The following TRIM15 variants were observed in gnomAD, a reference collection of about 807,000 sequenced individuals.
The protein encoded by TRIM15 is E3 ubiquitin-protein ligase TRIM15.
A neutral mutation model predicts 35.8 loss-of-function variants in TRIM15; 35 were observed. The ratio of observed to expected loss-of-function variants is 0.98; its 90% confidence interval spans 0.75 to 1.30. The LOEUF (loss-of-function observed/expected upper bound fraction) is 1.30, where lower values mean the gene tolerates loss of function less well. Among genes scored for constraint, TRIM15 ranks in the 50% most tolerant of loss-of-function variants. The pLI, the probability that TRIM15 is intolerant of heterozygous loss-of-function variation, is 0.00. For synonymous variants in TRIM15, 252 were observed against 249.8 expected (o/e 1.01, Z -0.08); for missense variants, 590 against 593.5 (o/e 0.99, Z 0.06).
At chr6:30,166,683 A>G (rs895625443) in intron 1 of TRIM15, among the ~76,000 whole-genome samples, 2 of 152,198 alleles carry the variant, frequency 1.3e-5, no homozygotes, top group Admixed American at 6.5e-5. Flanking sequence ...GAATCTATAA[A>G]TTACTTTGGG....
Position 30,172,644 on chromosome 6 carries a change from G to A in TRIM15, c.*295G>A, listed in dbSNP as rs1774131126. 4 of 616,646 alleles carry A rather than the reference G, an allele frequency of 6.5e-6. No individual in the cohort carries two copies. The highest frequency in any genetic ancestry group is 8.8e-6 in the Non-Finnish European group (3 of 341,080). 38.2% of individuals were successfully genotyped at this position (616,646 alleles called of 1,614,324 possible). ...ACCTAGGAGCCAGCGGGCTTTCGGG[G>A]AAAAAAAAGAAAAAGACATCTAAAA... On this transcript the variant is annotated 3_prime_UTR_variant, in exon 7 of 7. Coordinates refer to ENST00000376694, the MANE Select transcript of TRIM15 (RefSeq NM_033229.3).
At chr6:30,169,105 A>G (rs1041292164) in intron 3 of TRIM15, 136 bp from the exon 4 acceptor site, 6 of 972,078 alleles carry the variant, frequency 6.2e-6, no homozygotes, top group Middle Eastern at 2.1e-4. Flanking sequence ...CAATCTAATG[A>G]GTAGGTAATT....
At chr6:30,169,134 CAGA>C in intron 3 of TRIM15, 104 bp from the exon 4 acceptor site, 1 of 1,291,856 alleles carries the variant, frequency 7.7e-7, no homozygotes, top group South Asian at 1.2e-5. Flanking sequence ...CAACTCTCTG[CAGA>C]AGGAGAGTTT....
chr6:30,169,630 T>C (rs1773870435), intron 4 of TRIM15: 2 of 462,222 alleles, frequency 4.3e-6, no homozygotes, highest in Non-Finnish European at 7.9e-6. Flanking sequence ...CTGTAGACTA[T>C]GATAAGCATG....
intron 1 of TRIM15, among the ~76,000 whole-genome samples, chr6:30,164,379 T>C (rs1473693756): frequency 1.3e-5 from 2 of 152,138 alleles, no homozygotes; most frequent in African/African-American, 4.8e-5. Flanking sequence ...CTGCAGATTA[T>C]GGGCAGGGTA....
At chr6:30,164,859 A>C (rs1228434644) in intron 1 of TRIM15, among the ~76,000 whole-genome samples, 3 of 152,174 alleles carry the variant, frequency 2.0e-5, no homozygotes, top group Non-Finnish European at 2.9e-5. Context: ...GTCTTTAGCA[A>C]GACATTCAAG....
Position 30,167,235 on chromosome 6 carries a change from A to G in TRIM15, c.441A>G (p.Val147=), listed in dbSNP as rs1418825508. The change falls in exon 2 of 7, where the codon GTA becomes GTG. Residue 147 remains valine, a synonymous_variant. Coordinates refer to ENST00000376694, the MANE Select transcript of TRIM15 (RefSeq NM_033229.3). ...CGGAGAGAGATGAGATTGAGGATGT[A>G]AAGTGTCAAGAAGACCAGAAGCTTC... The part of the protein sequence containing the change: ...LSTERDEIED[V]KCQEDQKLQV... The G allele has an allele frequency of 6.2e-7, 1 of 1,613,000 alleles. No homozygotes were observed. Among genetic ancestry groups the G allele is most frequent in the African/African-American group, 1.3e-5 (1 of 74,932 alleles).
rs760811997 is a variant in TRIM15 at position 30,172,130 on chromosome 6, C to T, written c.1179C>T (p.His393=). The part of the protein sequence containing the change: ...EDGVWAVIIS[H]QQCWASTSPG... Reference sequence around the variant, plus strand: ...GCGTCTGGGCCGTGATCATCTCGCACCAGCAGTGCTGGGCCAGCACCTCCC... The same window carrying T: ...GCGTCTGGGCCGTGATCATCTCGCATCAGCAGTGCTGGGCCAGCACCTCCC... Residue 393 remains histidine (H), a synonymous_variant, in exon 7 of 7, where the codon CAC becomes CAT. Coordinates refer to ENST00000376694, the MANE Select transcript of TRIM15 (RefSeq NM_033229.3). The T allele has an allele frequency of 1.3e-6, 2 of 1,584,664 alleles. No individual in the cohort carries two copies. Among genetic ancestry groups the T allele is most frequent in the South Asian group, 2.3e-5 (2 of 87,856 alleles).
In TRIM15 at chr6:30,163,807, C is replaced by G. The variant is rs974898950; in HGVS notation, c.123C>G (p.Pro41=). ...ACACCTTCTGCCGGCTCTGCCTCCC[C>G]GCGCTCTCCCAGATGGGGGCCCAAT... ...CGHTFCRLCL[P]ALSQMGAQSS... is the part of the protein sequence containing the mutation. Residue 41 remains proline, a synonymous_variant, in exon 1 of 7, where the codon CCC becomes CCG. Coordinates refer to ENST00000376694, the MANE Select transcript of TRIM15 (RefSeq NM_033229.3). The G allele has an allele frequency of 1.2e-6, 2 of 1,612,922 alleles. No individual in the cohort carries two copies. Among genetic ancestry groups the G allele is most frequent in the African/African-American group, 1.3e-5 (1 of 74,938 alleles).
rs780792731 is a variant in TRIM15, at chr6:30,168,325, A to C, written c.503A>C (p.Gln168Pro). ...LLTQIESKKH[Q>P]VETAFERLQQ... is the part of the protein sequence containing the mutation. ...ACTCAGATCGAAAGCAAGAAGCATC[A>C]GGTGGAAACAGCTTTTGAGAGGCTG... The change falls in exon 3 of 7, where the codon CAG becomes CCG. Residue 168 changes from glutamine to proline, a missense_variant. Physicochemically the swap from Gln to Pro is moderately conservative, Grantham distance 76 (BLOSUM62 -1). Coordinates refer to ENST00000376694, the MANE Select transcript of TRIM15 (RefSeq NM_033229.3). The C allele has an allele frequency of 3.1e-6, 5 of 1,612,974 alleles. No homozygotes were observed. In the East Asian group the frequency reaches 1.1e-4, roughly 36 times the overall value.
intron 4 of TRIM15, chr6:30,169,747 C>T: frequency 2.8e-6 from 1 of 355,548 alleles, no homozygotes; most frequent in Non-Finnish European, 5.4e-6. Context: ...CCACCAGGAG[C>T]CAGTGGCATT....
chr6:30,165,971 T>G (rs1482725934), intron 1 of TRIM15, among the ~76,000 whole-genome samples: 1 of 152,216 alleles, frequency 6.6e-6, no homozygotes, highest in African/African-American at 2.4e-5. Context: ...TCTTGTAAAT[T>G]TGTTTAAGTT....
rs61738774 is a variant in TRIM15, at chr6:30,168,373, G to T, written c.551G>T (p.Arg184Leu). The T allele has an allele frequency of 3.7e-6, 6 of 1,612,888 alleles. No individual in the cohort carries two copies. In the South Asian group the frequency reaches 6.6e-5, roughly 18 times the overall value. Residue 184 changes from arginine to leucine, a missense_variant, in exon 3 of 7, where the codon CGA becomes CTA. By Grantham distance (102) the Arg-to-Leu change is moderately radical. Transcript: ENST00000376694. ...ERLQQELEQQ[R>L]CLLLARLREL... ...CTGCAGCAGGAGCTGGAGCAGCAGC[G>T]ATGTCTCCTGCTGGCCAGGCTGAGG...
At chr6:30,171,751 C>T (rs1774027960) in intron 6 of TRIM15, 81 bp from the exon 7 acceptor site, 7 of 1,437,362 alleles carry the variant, frequency 4.9e-6, no homozygotes, top group Admixed American at 3.0e-5. Flanking sequence ...AGTACTCCTT[C>T]TGCCTCCCAC....
chr6:30,164,153 A>C, intron 1 of TRIM15, 88 bp downstream of exon 1: 3 of 1,513,628 alleles, frequency 2.0e-6, no homozygotes, highest in Non-Finnish European at 2.7e-6. Context: ...ATCTGGATGA[A>C]AGGCTTCCAC....
At position 30,172,026 on chromosome 6, in the gene TRIM15, G is replaced by A; in HGVS notation, c.1075G>A (p.Asp359Asn). 6.4e-7 allele frequency: 1 copy of A among 1,572,464 alleles called. No homozygotes were observed. Among genetic ancestry groups the A allele is most frequent in the African/African-American group, 1.3e-5 (1 of 74,264 alleles). ...HRWQVDLQLG[D>N]GGGCTVGVAG... ...CTGGCAGGTTGACCTGCAGCTGGGC[G>A]ACGGCGGCGGCTGCACGGTGGGGGT... is the stretch of plus-strand genomic sequence containing the variant. The change falls in exon 7 of 7, where the codon GAC (aspartate) becomes AAC (asparagine). Residue 359 changes from aspartate (D) to asparagine (N), a missense_variant. Asp to Asn is a conservative substitution (Grantham distance 23, BLOSUM62 1). Coordinates refer to ENST00000376694, the MANE Select transcript of TRIM15 (RefSeq NM_033229.3).
chr6:30,167,335 C>T (rs1372026541), intron 2 of TRIM15, 64 bp downstream of exon 2: 1 of 1,351,310 alleles, frequency 7.4e-7, no homozygotes, highest in Non-Finnish European at 1.1e-6. Flanking sequence ...CTGGGGAAAC[C>T]CGTTGGCTGG....
intron 4 of TRIM15, 22 bp downstream of exon 4, chr6:30,169,285 T>C (rs2127459415): frequency 6.2e-7 from 1 of 1,613,104 alleles, no homozygotes; most frequent in South Asian, 1.1e-5. Context: ...TCCCCGGTCC[T>C]GCCTCCTTTT....
At position 30,168,471 on chromosome 6, in the gene TRIM15, G is replaced by T. The variant is rs750278385; in HGVS notation, c.649G>T (p.Gly217Ter). ...GGTCTCTGAGGAAGTCACCCGGCTT[G>T]GAGCCCAGGTCAAGGAGCTGGAGGA... ...TKVSEEVTRL[G>*]AQVKELEEKC... Residue 217 changes from glycine to a stop codon, truncating the protein, a stop_gained, in exon 3 of 7, where the codon GGA becomes TGA. Coordinates refer to ENST00000376694, the MANE Select transcript of TRIM15 (RefSeq NM_033229.3). LOFTEE classifies it high-confidence loss of function. 6 of 1,611,186 alleles carry T rather than the reference G, an allele frequency of 3.7e-6. No individual in the cohort carries two copies. Among genetic ancestry groups the T allele is most frequent in the Non-Finnish European group, 4.2e-6 (5 of 1,179,094 alleles).
Sources: gnomAD v4.1 joint callset for allele counts (sites outside exome capture counted in the v4.1 genomes callset) on GRCh38, gnomAD v4.1.1 for gene constraint, MANE v1.5 for transcripts, NCBI Gene and HGNC (gene_info 2026-07-23, HGNC 2026-07-21) for gene names.